Variants in OPCML observed in about 807,000 individuals in gnomAD.
OPCML encodes the protein opioid-binding protein/cell adhesion molecule.
A neutral mutation model predicts 37.8 loss-of-function variants in OPCML; 13 were observed. The ratio of observed to expected loss-of-function variants is 0.34; its 90% CI spans 0.22 to 0.55. The LOEUF (loss-of-function observed/expected upper bound fraction) is 0.55, where lower values mean the gene tolerates loss of function less well. Among genes scored for constraint, OPCML ranks in the 20% least tolerant of loss-of-function variants. OPCML has a pLI of 0.91. For synonymous variants in OPCML, 176 were observed against 168.8 expected, an observed-to-expected ratio of 1.04 and a Z score of -0.33; for missense variants, 341 against 435.6, an observed-to-expected ratio of 0.78 and a Z score of 1.93.
At chr11:133,230,975 G>T (rs983810668) in intron 1 of OPCML, among the ~76,000 whole-genome samples, 2 of 152,172 alleles carry the variant, frequency 1.3e-5, no homozygotes, top group Non-Finnish European at 2.9e-5. Context: ...ACCAGGGAGG[G>T]TGTGCAGGGC....
intron 2 of OPCML, among the ~76,000 whole-genome samples, chr11:132,936,253 G>T (rs1484149111): frequency 1.3e-5 from 2 of 152,146 alleles, no homozygotes; most frequent in Non-Finnish European, 2.9e-5. Flanking sequence ...GCACTTGGAA[G>T]TTTTCTCTGT....
At chr11:133,390,336 G>A (rs996840096) in intron 1 of OPCML, among the ~76,000 whole-genome samples, 32 of 152,042 alleles carry the variant, frequency 2.1e-4, no homozygotes, top group African/African-American at 6.8e-4. Flanking sequence ...GGTGGCGGGC[G>A]CCTGTAGTCC....
intron 1 of OPCML, among the ~76,000 whole-genome samples, chr11:133,383,838 T>C (rs1328641917): frequency 1.3e-5 from 2 of 152,164 alleles, no homozygotes; most frequent in East Asian, 3.9e-4. Context: ...TCATAGTTCA[T>C]AGGCCAGTGA....
At chr11:132,836,316 T>C (rs1193530121) in intron 2 of OPCML, among the ~76,000 whole-genome samples, 1 of 152,158 alleles carries the variant, frequency 6.6e-6, no homozygotes, top group African/African-American at 2.4e-5. Flanking sequence ...TGCTCAGCAT[T>C]ATCTGTTATG....
intron 2 of OPCML, among the ~76,000 whole-genome samples, chr11:132,758,046 T>G (rs748970142): frequency 6.6e-6 from 1 of 152,230 alleles, no homozygotes; most frequent in Non-Finnish European, 1.5e-5. Flanking sequence ...CACCATTTAT[T>G]AAATAGGGAA....
At chr11:132,826,295 T>C (rs117795612) in intron 2 of OPCML, among the ~76,000 whole-genome samples, 2,518 of 152,368 alleles carry the variant, frequency 0.017, 27 homozygotes, top group Middle Eastern at 0.041. Flanking sequence ...GAGCAAGTTT[T>C]TGATGGCAAT....
chr11:132,619,304 T>C (rs1192067380), intron 3 of OPCML, among the ~76,000 whole-genome samples: 1 of 152,208 alleles, frequency 6.6e-6, no homozygotes, highest in Non-Finnish European at 1.5e-5. Flanking sequence ...ACTACATATA[T>C]CTTCCTAATT....
At chr11:132,502,742 G>A (rs575504613) in intron 4 of OPCML, among the ~76,000 whole-genome samples, 1 of 152,250 alleles carries the variant, frequency 6.6e-6, no homozygotes, top group South Asian at 2.1e-4. Flanking sequence ...GATGAGAAGG[G>A]GTAATTAAGT....
chr11:133,105,525 C>T (rs892668948), intron 1 of OPCML, among the ~76,000 whole-genome samples: 1 of 151,978 alleles, frequency 6.6e-6, no homozygotes, highest in Non-Finnish European at 1.5e-5. Flanking sequence ...GAGAGACTTG[C>T]CAAGGTTCAG....
At chr11:132,489,747 T>C (rs551047354) in intron 4 of OPCML, among the ~76,000 whole-genome samples, 1 of 152,270 alleles carries the variant, frequency 6.6e-6, no homozygotes, top group South Asian at 2.1e-4. Context: ...TAGGTATACA[T>C]GTGACATGGT....
chr11:132,869,955 C>G (rs374952908), intron 2 of OPCML, among the ~76,000 whole-genome samples: 3 of 152,138 alleles, frequency 2.0e-5, no homozygotes, highest in Middle Eastern at 3.2e-3. Context: ...AACAGTCAAA[C>G]ATCATCTATT....
intron 1 of OPCML, chr11:133,024,313 G>A (rs555698151): frequency 4.1e-6 from 4 of 981,268 alleles, no homozygotes; most frequent in Non-Finnish European, 3.6e-6. Flanking sequence ...GAAGTTGGGA[G>A]CATGCTCTGG....
chr11:132,791,288 G>C (rs938074474), intron 2 of OPCML, among the ~76,000 whole-genome samples: 2 of 152,178 alleles, frequency 1.3e-5, no homozygotes, highest in Admixed American at 6.5e-5. Context: ...TATTTACTGT[G>C]ATCAGAGAGA....
intron 1 of OPCML, among the ~76,000 whole-genome samples, chr11:133,019,322 G>C (rs1209739633): frequency 6.6e-6 from 1 of 152,154 alleles, no homozygotes; most frequent in Non-Finnish European, 1.5e-5. Context: ...AGTGATGTTT[G>C]GGTGAAACCA....
rs533387818 is a variant in OPCML at position 133,256,451 on chromosome 11, C to T, written c.61+275813G>A. 2.4e-4 allele frequency among the ~76,000 whole-genome samples: 37 copies of T among 152,172 alleles called. 1 individual carries two copies. The highest frequency in any genetic ancestry group is 1.6e-3 in the Admixed American group (25 of 15,284). ...TAATGTGTATGTAATATAGTAATGC[C>T]TCATTCATAGTAAATGTACCATAAC... On this transcript the variant is annotated intron_variant, in intron 1 of 7. Coordinates refer to ENST00000524381, the MANE Select transcript of OPCML (RefSeq NM_001012393.5).
At chr11:133,327,347 G>A (rs1943498761) in intron 1 of OPCML, among the ~76,000 whole-genome samples, 1 of 151,914 alleles carries the variant, frequency 6.6e-6, no homozygotes, top group Non-Finnish European at 1.5e-5. Context: ...AGGTTTTTGT[G>A]CAGACTCTAG....
intron 1 of OPCML, among the ~76,000 whole-genome samples, chr11:133,003,441 C>T (rs954114): frequency 0.77 from 116,387 of 152,090 alleles, 44,767 homozygotes; most frequent in East Asian, 0.86. Flanking sequence ...CTGTAAAATA[C>T]CTCTTGGCCT....
intron 1 of OPCML, among the ~76,000 whole-genome samples, chr11:133,524,663 A>G (rs1368388104): frequency 6.6e-6 from 1 of 152,238 alleles, no homozygotes; most frequent in African/African-American, 2.4e-5. Context: ...GTGAGATCCA[A>G]AAGTGTGCTG....
chr11:132,944,039 G>T (rs979155062), intron 1 of OPCML, among the ~76,000 whole-genome samples: 1 of 151,740 alleles, frequency 6.6e-6, no homozygotes, highest in Non-Finnish European at 1.5e-5. Flanking sequence ...ATCCCGACGG[G>T]CGGGCGCCCA....
Sources: allele counts gnomAD v4.1 joint callset (sites outside exome capture counted in the v4.1 genomes callset), GRCh38; gene constraint gnomAD v4.1.1; transcripts MANE v1.5; gene names NCBI Gene and HGNC (gene_info 2026-07-23, HGNC 2026-07-21).